The following CLSTN2 variants were observed in gnomAD, a reference collection of about 807,000 sequenced individuals.
CLSTN2 encodes the protein calsyntenin-2.
Under a neutral mutation model 101.2 loss-of-function variants are expected in CLSTN2, and 48 were observed. The ratio of observed to expected loss-of-function variants is 0.47; its 90% CI spans 0.38 to 0.60. CLSTN2 has a LOEUF of 0.60. Among genes scored for constraint, CLSTN2 ranks in the 20% least tolerant of loss-of-function variants. The pLI, the probability that CLSTN2 is intolerant of heterozygous loss-of-function variation, is 0.00. For synonymous variants in CLSTN2, 481 were observed against 463.6 expected (o/e 1.04, Z -0.48); for missense variants, 1,160 against 1,238.2 (o/e 0.94, Z 0.95).
chr3:140,414,476 A>C (rs1212733109), intron 4 of CLSTN2, among the ~76,000 whole-genome samples: 1 of 152,102 alleles, frequency 6.6e-6, no homozygotes, highest in Non-Finnish European at 1.5e-5. Context: ...ATTGAAAGCC[A>C]AATACTGCAC....
chr3:140,248,970 A>C (rs935093952), intron 2 of CLSTN2, among the ~76,000 whole-genome samples: 2 of 152,202 alleles, frequency 1.3e-5, no homozygotes, highest in Non-Finnish European at 2.9e-5. Context: ...TAGCACTGAC[A>C]CATTGGAAAT....
intron 2 of CLSTN2, among the ~76,000 whole-genome samples, chr3:140,267,778 A>G (rs2086708373): frequency 6.6e-6 from 1 of 152,096 alleles, no homozygotes; most frequent in Admixed American, 6.6e-5. Flanking sequence ...TGCTACCTCA[A>G]CATTACATTT....
At chr3:140,363,899 G>A (rs1303862879) in intron 2 of CLSTN2, among the ~76,000 whole-genome samples, 2 of 152,200 alleles carry the variant, frequency 1.3e-5, no homozygotes, top group African/African-American at 4.8e-5. Flanking sequence ...AGGAGCAGTA[G>A]GAGGCAGGAA....
At chr3:140,431,284 A>G (rs767745743) in intron 5 of CLSTN2, among the ~76,000 whole-genome samples, 1 of 152,178 alleles carries the variant, frequency 6.6e-6, no homozygotes, top group Non-Finnish European at 1.5e-5. Flanking sequence ...ACTTGCCTGA[A>G]ACTAAAGTTA....
At position 140,084,362 on chromosome 3, in the gene CLSTN2, A is replaced by G. The variant is rs78439681; in HGVS notation, c.110-91589A>G. ...CTGAATGAAGTACTGGGCAGGGAATAGGAACATGAGGTCCTTATTCAGCAA... is the reference window on the plus strand; with the variant it reads ...CTGAATGAAGTACTGGGCAGGGAATGGGAACATGAGGTCCTTATTCAGCAA... On this transcript the variant is annotated intron_variant, in intron 1 of 16. Transcript: ENST00000458420. Among the ~76,000 whole-genome samples, 1,293 of 152,296 alleles carry G rather than the reference A, an allele frequency of 8.5e-3. 19 individuals carry two copies. The highest frequency in any genetic ancestry group is 0.029 in the African/African-American group (1,223 of 41,558).
At chr3:140,374,046 C>G (rs772665040) in intron 2 of CLSTN2, among the ~76,000 whole-genome samples, 11 of 152,294 alleles carry the variant, frequency 7.2e-5, no homozygotes, top group Non-Finnish European at 1.0e-4. Flanking sequence ...TCTTCCTGTC[C>G]CATGTTGTTT....
At chr3:140,385,357 C>CTTTTTTT (rs546696189) in intron 2 of CLSTN2, among the ~76,000 whole-genome samples, 4 of 72,834 alleles carry the variant, frequency 5.5e-5, no homozygotes, top group African/African-American at 1.3e-4. Context: ...CCCTGATGTT[C>CTTTTTTT]TTTTTTTTTT....
In CLSTN2 at chr3:140,253,571, C is replaced by A. The variant is rs1400632338; in HGVS notation, c.232+77498C>A. ...CACAGGCCCCTGACATGTCAGCATTCCAGCCTTTCCTGACACGGAAGAGTG... is the reference window on the plus strand; with the variant it reads ...CACAGGCCCCTGACATGTCAGCATTACAGCCTTTCCTGACACGGAAGAGTG... On this transcript the variant is annotated intron_variant, in intron 2 of 16. Coordinates refer to ENST00000458420, the MANE Select transcript of CLSTN2 (RefSeq NM_022131.3). Among the ~76,000 whole-genome samples, 3 of 152,104 alleles carry A rather than the reference C, an allele frequency of 2.0e-5. No individual in the cohort carries two copies. In the East Asian group the frequency reaches 5.8e-4, roughly 29 times the overall value.
intron 10 of CLSTN2, among the ~76,000 whole-genome samples, chr3:140,548,030 C>T (rs1935633380): frequency 1.3e-5 from 2 of 152,238 alleles, no homozygotes; most frequent in Non-Finnish European, 2.9e-5. Flanking sequence ...TGCCTTGGGC[C>T]TGCCTCTCCT....
intron 2 of CLSTN2, among the ~76,000 whole-genome samples, chr3:140,271,005 A>T (rs908967059): frequency 2.6e-5 from 4 of 152,106 alleles, no homozygotes; most frequent in African/African-American, 4.8e-5. Context: ...TTTAAGAGGG[A>T]TTACTCCCAA....
intron 8 of CLSTN2, among the ~76,000 whole-genome samples, chr3:140,500,360 AG>A (rs1263083346): frequency 6.6e-6 from 1 of 152,200 alleles, no homozygotes; most frequent in Non-Finnish European, 1.5e-5. Flanking sequence ...CTTCAAAATT[AG>A]GAATGCACTC....
chr3:140,305,607 A>G (rs1485085587), intron 2 of CLSTN2, among the ~76,000 whole-genome samples: 5 of 152,132 alleles, frequency 3.3e-5, no homozygotes, highest in Non-Finnish European at 5.9e-5. Context: ...TCACCTTTCC[A>G]TCCTGGACAG....
At chr3:140,245,815 T>C (rs2086510994) in intron 2 of CLSTN2, among the ~76,000 whole-genome samples, 1 of 152,250 alleles carries the variant, frequency 6.6e-6, no homozygotes, top group African/African-American at 2.4e-5. Context: ...CTTCAGGGAC[T>C]TGCAGTGGCT....
intron 2 of CLSTN2, among the ~76,000 whole-genome samples, chr3:140,224,472 A>C (rs1446260606): frequency 6.6e-6 from 1 of 152,212 alleles, no homozygotes; most frequent in Non-Finnish European, 1.5e-5. Flanking sequence ...GAACATAATG[A>C]GGAGCCCTGC....
intron 1 of CLSTN2, among the ~76,000 whole-genome samples, chr3:140,155,752 A>G (rs7645419): frequency 6.6e-6 from 1 of 152,088 alleles, no homozygotes; most frequent in Non-Finnish European, 1.5e-5. Flanking sequence ...TTGCTGAGTG[A>G]CCACTCTTAG....
chr3:140,231,393 A>T (rs1037139458), intron 2 of CLSTN2, among the ~76,000 whole-genome samples: 37 of 152,010 alleles, frequency 2.4e-4, no homozygotes, highest in East Asian at 5.8e-4. Flanking sequence ...AAACCGGTTT[A>T]AAAAAAATGC....
intron 2 of CLSTN2, among the ~76,000 whole-genome samples, chr3:140,335,799 T>A (rs2087434130): frequency 6.6e-6 from 1 of 152,222 alleles, no homozygotes; most frequent in Admixed American, 6.5e-5. Context: ...CTTAAGGAAG[T>A]CAATCCTTCA....
intron 8 of CLSTN2, among the ~76,000 whole-genome samples, chr3:140,517,291 T>A (rs1350669549): frequency 6.6e-6 from 1 of 152,260 alleles, no homozygotes; most frequent in African/African-American, 2.4e-5. Flanking sequence ...AGCTTAATAA[T>A]TGACCTTCTG....
At chr3:140,091,514 T>G (rs2008779677) in intron 1 of CLSTN2, among the ~76,000 whole-genome samples, 1 of 152,182 alleles carries the variant, frequency 6.6e-6, no homozygotes, top group South Asian at 2.1e-4. Flanking sequence ...CCCAGAACAT[T>G]TCATTACCTA....
Sources: allele counts gnomAD v4.1 joint callset (sites outside exome capture counted in the v4.1 genomes callset), GRCh38; gene constraint gnomAD v4.1.1; transcripts MANE v1.5; gene names NCBI Gene and HGNC (gene_info 2026-07-23, HGNC 2026-07-21).